NAA25: variants seen among roughly 807,000 people sequenced by gnomAD.
NAA25 encodes the protein N-alpha-acetyltransferase 25, NatB auxiliary subunit, also known as N-terminal acetyltransferase B complex subunit NAA25.
Under a neutral mutation model 132.5 loss-of-function variants are expected in NAA25, and 30 were observed. That is an observed-to-expected ratio of 0.23 (90% CI 0.17 to 0.31). The LOEUF (loss-of-function observed/expected upper bound fraction) is 0.31, where lower values mean the gene tolerates loss of function less well. NAA25 is among the 10% of genes least tolerant of loss of function. The pLI, the probability that NAA25 is intolerant of heterozygous loss-of-function variation, is 1.00. For synonymous variants in NAA25, 359 were observed against 401.9 expected (o/e 0.89, Z 1.28); for missense variants, 771 against 1,150.4 (o/e 0.67, Z 4.77).
chr12:112,032,380 C>A (rs994811078), intron 23 of NAA25, among the ~76,000 whole-genome samples: 1 of 152,198 alleles, frequency 6.6e-6, no homozygotes, highest in Non-Finnish European at 1.5e-5. Context: ...GAGGGGCTTA[C>A]AATCTCTTAA....
At chr12:112,043,442 A>C (rs2078330707) in intron 18 of NAA25, among the ~76,000 whole-genome samples, 183 bp downstream of exon 18, 1 of 152,184 alleles carries the variant, frequency 6.6e-6, no homozygotes, top group Admixed American at 6.5e-5. Context: ...CTCCCTCACT[A>C]GTCTGGATAT....
At chr12:112,030,662 TG>T (rs1256126094) in intron 23 of NAA25, among the ~76,000 whole-genome samples, 1 of 152,226 alleles carries the variant, frequency 6.6e-6, no homozygotes, top group African/African-American at 2.4e-5. Context: ...TACATGAAGT[TG>T]AGTGCTGCAG....
chr12:112,079,993 C>G (rs536131341), intron 5 of NAA25, among the ~76,000 whole-genome samples: 1 of 152,016 alleles, frequency 6.6e-6, no homozygotes, highest in South Asian at 2.1e-4. Flanking sequence ...ATAAAGAATA[C>G]TCAAGGGCCA....
At chr12:112,032,773 A>G (rs1012381686) in intron 23 of NAA25, among the ~76,000 whole-genome samples, 2 of 152,246 alleles carry the variant, frequency 1.3e-5, no homozygotes, top group African/African-American at 4.8e-5. Flanking sequence ...CTTTGATTCC[A>G]TACTTGGTTT....
intron 8 of NAA25, among the ~76,000 whole-genome samples, chr12:112,075,306 A>C (rs931549782): frequency 2.6e-5 from 4 of 151,768 alleles, no homozygotes; most frequent in Non-Finnish European, 4.4e-5. Context: ...CTTGTGCCTC[A>C]GCTTCCCGAG....
At chr12:112,093,013 C>T in intron 2 of NAA25, 38 bp downstream of exon 2, 1 of 1,422,886 alleles carries the variant, frequency 7.0e-7, no homozygotes, top group Non-Finnish European at 9.8e-7. Context: ...CAAATATAAC[C>T]CGCCACAGGT....
At chr12:112,071,764 C>G in intron 10 of NAA25, 131 bp downstream of exon 10, 1 of 595,500 alleles carries the variant, frequency 1.7e-6, no homozygotes, top group Non-Finnish European at 2.7e-6. Flanking sequence ...CATTCATTAG[C>G]AAATATTTTC....
intron 3 of NAA25, among the ~76,000 whole-genome samples, chr12:112,088,560 T>C (rs1046720916): frequency 1.3e-5 from 2 of 151,896 alleles, no homozygotes; most frequent in African/African-American, 4.8e-5. Flanking sequence ...ACACATAATG[T>C]AGTATACTGT....
At chr12:112,104,585 C>T (rs2079335894) in intron 1 of NAA25, among the ~76,000 whole-genome samples, 1 of 152,062 alleles carries the variant, frequency 6.6e-6, no homozygotes, top group Admixed American at 6.6e-5. Flanking sequence ...GCCTGTAATC[C>T]CAGCACTTTG....
intron 11 of NAA25, among the ~76,000 whole-genome samples, chr12:112,063,387 A>G (rs2078666170): frequency 6.6e-6 from 1 of 152,220 alleles, no homozygotes; most frequent in Admixed American, 6.5e-5. Flanking sequence ...TGAGTAGAAC[A>G]GCCTGGGTTT....
At position 112,053,925 on chromosome 12, in the gene NAA25, AG is replaced by A. The variant is rs576521876; in HGVS notation, c.1629-269del. Among the ~76,000 whole-genome samples the A allele has an allele frequency of 1.8e-4, 27 of 152,278 alleles. No homozygotes were observed. In the South Asian group the frequency reaches 5.2e-3, roughly 29 times the overall value. On this transcript the variant is annotated intron_variant, in intron 14 of 23. Coordinates refer to ENST00000261745, the MANE Select transcript of NAA25 (RefSeq NM_024953.4). ...ACTCTGATGATTAATGACACATAAA[AG>A]TTCTAACAGAACATAATGCTGTCTT...
At chr12:112,048,041 C>T (rs2078412706) in intron 16 of NAA25, among the ~76,000 whole-genome samples, 1 of 152,126 alleles carries the variant, frequency 6.6e-6, no homozygotes, top group African/African-American at 2.4e-5. Context: ...GAGGCGGAAC[C>T]TTCGTAAGCA....
chr12:112,063,121 T>C (rs979617208), intron 11 of NAA25, among the ~76,000 whole-genome samples: 4 of 152,032 alleles, frequency 2.6e-5, no homozygotes, highest in Admixed American at 2.0e-4. Context: ...ATAAAAATCA[T>C]GAAGATTTCA....
intron 13 of NAA25, among the ~76,000 whole-genome samples, chr12:112,057,174 C>T (rs941576493): frequency 1.3e-5 from 2 of 151,542 alleles, no homozygotes; most frequent in Non-Finnish European, 1.5e-5. Flanking sequence ...GGCAACAGAG[C>T]GAGACTCCAT....
chr12:112,071,735 AC>A (rs1287544799), intron 10 of NAA25, among the ~76,000 whole-genome samples, 159 bp downstream of exon 10: 13 of 152,314 alleles, frequency 8.5e-5, no homozygotes, highest in African/African-American at 2.9e-4. Flanking sequence ...ATGATAAAGG[AC>A]TAATTTTATA....
At chr12:112,087,539 A>T in intron 4 of NAA25, 144 bp downstream of exon 4, 1 of 625,134 alleles carries the variant, frequency 1.6e-6, no homozygotes, top group South Asian at 2.1e-5. Context: ...ACACATAAGG[A>T]AAACAACTGA....
chr12:112,060,405 T>C, intron 12 of NAA25, 46 bp from the exon 13 acceptor site: 1 of 1,330,724 alleles, frequency 7.5e-7, no homozygotes, highest in Non-Finnish European at 1.1e-6. Context: ...TGTTCAACTA[T>C]TACTGACCCC....
rs141282707 is a variant in NAA25 at position 112,042,899 on chromosome 12, A to C, written c.2374+189T>G. ...ACAAGTGATTTTAAATATGGAATGG[A>C]CTTAAGCTTCTAAAACATTACTTTG... On this transcript the variant is annotated intron_variant, in intron 19 of 23. Coordinates refer to ENST00000261745, the MANE Select transcript of NAA25 (RefSeq NM_024953.4). Among the ~76,000 whole-genome samples, 146 of 152,332 alleles carry C rather than the reference A, an allele frequency of 9.6e-4. 1 individual carries two copies. Among genetic ancestry groups the C allele is most frequent in the Admixed American group, 7.3e-3 (111 of 15,306 alleles).
intron 10 of NAA25, 146 bp from the exon 11 acceptor site, chr12:112,069,138 T>C (rs576106362): frequency 1.0e-4 from 62 of 601,894 alleles, no homozygotes; most frequent in Non-Finnish European, 1.7e-4. Context: ...TCTCAACTAC[T>C]TGTTCAGTTA....
Sources: gnomAD v4.1 joint callset for allele counts (sites outside exome capture counted in the v4.1 genomes callset) on GRCh38, gnomAD v4.1.1 for gene constraint, MANE v1.5 for transcripts, NCBI Gene and HGNC (gene_info 2026-07-23, HGNC 2026-07-21) for gene names.